Variants in PRKG1 observed in about 807,000 individuals in gnomAD.
The protein encoded by PRKG1 is cGMP-dependent protein kinase 1.
PRKG1 carries 35 observed loss-of-function variants against 88.1 expected under a neutral mutation model. The ratio of observed to expected loss-of-function variants is 0.40; its 90% CI spans 0.30 to 0.53. The LOEUF is 0.53. PRKG1 is among the 20% of genes least tolerant of loss of function. PRKG1 has a pLI of 0.59. For missense variants in PRKG1, 540 were observed against 839.8 expected (o/e 0.64, Z 4.41); for synonymous variants, 303 against 292.5 (o/e 1.04, Z -0.37).
chr10:51,781,536 A>G (rs1181534521), intron 3 of PRKG1, among the ~76,000 whole-genome samples: 8 of 152,206 alleles, frequency 5.3e-5, no homozygotes, highest in African/African-American at 1.7e-4. Context: ...GTGTACCATC[A>G]TAACAGCAAT....
At chr10:51,473,758 T>A (rs931482131) in intron 3 of PRKG1, among the ~76,000 whole-genome samples, 2 of 151,566 alleles carry the variant, frequency 1.3e-5, no homozygotes, top group Non-Finnish European at 3.0e-5. Flanking sequence ...AACACTGATT[T>A]TTTTTTTTTT....
intron 2 of PRKG1, among the ~76,000 whole-genome samples, chr10:51,163,623 G>A (rs1451100823): frequency 6.6e-6 from 1 of 152,212 alleles, no homozygotes; most frequent in Non-Finnish European, 1.5e-5. Context: ...CAAGGGGTCG[G>A]GGAGTTCCCT....
At chr10:52,112,940 T>C (rs1847598458) in intron 7 of PRKG1, among the ~76,000 whole-genome samples, 1 of 152,216 alleles carries the variant, frequency 6.6e-6, no homozygotes. Context: ...GCAAGAAGTG[T>C]AATTTGTGGT....
chr10:51,646,482 T>C (rs1393848350), intron 3 of PRKG1, among the ~76,000 whole-genome samples: 5 of 152,104 alleles, frequency 3.3e-5, no homozygotes, highest in Non-Finnish European at 7.4e-5. Flanking sequence ...GGAAGCTTTA[T>C]ATAATTGTTT....
At chr10:51,290,220 A>C (rs1475822797) in intron 2 of PRKG1, among the ~76,000 whole-genome samples, 1 of 152,172 alleles carries the variant, frequency 6.6e-6, no homozygotes. Context: ...AGCCTGGAAC[A>C]CAGAGCGAGA....
At chr10:51,786,501 C>T (rs1218627103) in intron 3 of PRKG1, among the ~76,000 whole-genome samples, 1 of 152,042 alleles carries the variant, frequency 6.6e-6, no homozygotes, top group Non-Finnish European at 1.5e-5. Flanking sequence ...ACTGTAAGCA[C>T]TTTTTCCATG....
intron 3 of PRKG1, among the ~76,000 whole-genome samples, chr10:51,564,559 C>T (rs1837552303): frequency 6.6e-6 from 1 of 152,068 alleles, no homozygotes; most frequent in Non-Finnish European, 1.5e-5. Context: ...AAGTTTAAGA[C>T]ATGACAGACG....
chr10:51,582,311 T>C (rs12246902), intron 3 of PRKG1, among the ~76,000 whole-genome samples: 10,511 of 152,100 alleles, frequency 0.069, 1,193 homozygotes, highest in African/African-American at 0.24. Flanking sequence ...GCTGCTTTTT[T>C]TCTTTTTATC....
At chr10:51,369,151 C>CT (rs902110812) in intron 2 of PRKG1, among the ~76,000 whole-genome samples, 7 of 152,124 alleles carry the variant, frequency 4.6e-5, no homozygotes, top group East Asian at 1.9e-4. Context: ...CGCTCATAAT[C>CT]TTTTTTTTCA....
chr10:51,328,637 A>G (rs1246181126), intron 2 of PRKG1, among the ~76,000 whole-genome samples: 1 of 152,238 alleles, frequency 6.6e-6, no homozygotes, highest in African/African-American at 2.4e-5. Flanking sequence ...AAAGTACACC[A>G]GGATTTCCTT....
At chr10:51,760,759 A>T (rs1838000428) in intron 3 of PRKG1, among the ~76,000 whole-genome samples, 1 of 152,018 alleles carries the variant, frequency 6.6e-6, no homozygotes, top group African/African-American at 2.4e-5. Context: ...GGTGTGAGCC[A>T]CCTTGCCTGG....
intron 2 of PRKG1, among the ~76,000 whole-genome samples, chr10:51,224,243 A>G (rs1389106097): frequency 6.6e-6 from 1 of 152,200 alleles, no homozygotes; most frequent in Non-Finnish European, 1.5e-5. Flanking sequence ...TCCTTCTGTC[A>G]GTTTAGGTAT....
At chr10:51,324,668 G>A (rs1179538905) in intron 2 of PRKG1, among the ~76,000 whole-genome samples, 1 of 152,088 alleles carries the variant, frequency 6.6e-6, no homozygotes, top group African/African-American at 2.4e-5. Context: ...GTGAACCTGG[G>A]AGGCGGAGCT....
chr10:51,757,101 A>ATTTTAT (rs1246147379), intron 3 of PRKG1, among the ~76,000 whole-genome samples: 5 of 150,998 alleles, frequency 3.3e-5, no homozygotes, highest in Admixed American at 1.3e-4. Context: ...ATTTTATTTT[A>ATTTTAT]TTTTATTTTT....
At chr10:51,164,660 G>A (rs923540245) in intron 2 of PRKG1, among the ~76,000 whole-genome samples, 14 of 152,110 alleles carry the variant, frequency 9.2e-5, no homozygotes, top group Non-Finnish European at 1.8e-4. Flanking sequence ...AAAAAATTTA[G>A]ACGAATGTAT....
intron 3 of PRKG1, among the ~76,000 whole-genome samples, chr10:51,473,445 T>C (rs1477076863): frequency 6.6e-6 from 1 of 151,892 alleles, no homozygotes; most frequent in Non-Finnish European, 1.5e-5. Flanking sequence ...AGTGTATTTA[T>C]AATTTATATA....
chr10:51,535,609 T>C (rs1842126380), intron 3 of PRKG1, among the ~76,000 whole-genome samples: 1 of 151,858 alleles, frequency 6.6e-6, no homozygotes, highest in African/African-American at 2.4e-5. Flanking sequence ...ATATTTCAAA[T>C]GTAGTAGCTT....
At chr10:52,203,695 A>T (rs1839735399) in intron 9 of PRKG1, among the ~76,000 whole-genome samples, 1 of 152,230 alleles carries the variant, frequency 6.6e-6, no homozygotes, top group African/African-American at 2.4e-5. Flanking sequence ...CTAGCTGCTC[A>T]TGCATTGGAT....
chr10:51,594,560 C>A (rs1838395697), intron 3 of PRKG1, among the ~76,000 whole-genome samples: 1 of 152,258 alleles, frequency 6.6e-6, no homozygotes, highest in Admixed American at 6.5e-5. Flanking sequence ...TCAATCTCTG[C>A]ATGTGTATCT....
Sources: allele counts gnomAD v4.1 joint callset (sites outside exome capture counted in the v4.1 genomes callset), GRCh38; gene constraint gnomAD v4.1.1; transcripts MANE v1.5; gene names NCBI Gene and HGNC (gene_info 2026-07-23, HGNC 2026-07-21).